The following ZDHHC14 variants were observed in gnomAD, a reference collection of about 807,000 sequenced individuals.
ZDHHC14 encodes the protein palmitoyltransferase ZDHHC14.
Under a neutral mutation model 47.7 loss-of-function variants are expected in ZDHHC14, and 16 were observed. The observed-to-expected ratio is 0.34, with a 90% CI of 0.23 to 0.51. ZDHHC14 has a LOEUF of 0.51. Ranked by LOEUF, ZDHHC14 falls within the 20% of genes least tolerant of loss-of-function variation. ZDHHC14 has a pLI of 0.97. For missense variants in ZDHHC14, 515 were observed against 662.5 expected (o/e 0.78, Z 2.44); for synonymous variants, 293 against 278.9 (o/e 1.05, Z -0.50).
intron 1 of ZDHHC14, among the ~76,000 whole-genome samples, chr6:157,441,310 A>G (rs1200877254): frequency 6.6e-6 from 1 of 152,236 alleles, no homozygotes; most frequent in African/African-American, 2.4e-5. Context: ...TTCAGCTAGA[A>G]GTTGTTCCCA....
intron 1 of ZDHHC14, among the ~76,000 whole-genome samples, chr6:157,406,439 A>G (rs1001054144): frequency 2.0e-5 from 3 of 152,232 alleles, no homozygotes; most frequent in Non-Finnish European, 4.4e-5. Flanking sequence ...GATTGCAGAA[A>G]AATATTATCT....
intron 2 of ZDHHC14, among the ~76,000 whole-genome samples, chr6:157,573,187 C>T (rs965387335): frequency 2.6e-5 from 4 of 152,166 alleles, no homozygotes; most frequent in Non-Finnish European, 5.9e-5. Flanking sequence ...TTTCATCTTT[C>T]CCACCACTTA....
At chr6:157,406,500 G>C (rs992686860) in intron 1 of ZDHHC14, among the ~76,000 whole-genome samples, 1 of 152,220 alleles carries the variant, frequency 6.6e-6, no homozygotes. Flanking sequence ...AGTATTCCCA[G>C]CTTCAGAAGA....
chr6:157,432,379 C>G (rs989387350), intron 1 of ZDHHC14, among the ~76,000 whole-genome samples: 2 of 152,056 alleles, frequency 1.3e-5, no homozygotes, highest in African/African-American at 4.8e-5. Flanking sequence ...GCAGTGCAGT[C>G]GGAGGCTGTG....
intron 3 of ZDHHC14, among the ~76,000 whole-genome samples, chr6:157,619,628 GTTACT>G (rs754010328): frequency 2.6e-4 from 40 of 152,040 alleles, no homozygotes; most frequent in Non-Finnish European, 5.4e-4. Context: ...GCTGTCCAAG[GTTACT>G]TTACATTGTA....
intron 8 of ZDHHC14, among the ~76,000 whole-genome samples, chr6:157,654,241 C>G (rs555162845): frequency 6.6e-6 from 1 of 152,238 alleles, no homozygotes; most frequent in South Asian, 2.1e-4. Context: ...GTGCAGGTTT[C>G]CAGCGTGCAG....
In ZDHHC14 at chr6:157,582,866, A is replaced by G. The variant is rs1783563596; in HGVS notation, c.407-10122A>G. 6.6e-6 allele frequency among the ~76,000 whole-genome samples: 1 copy of G among 152,094 alleles called. No individual in the cohort carries two copies. Among genetic ancestry groups the G allele is most frequent in the South Asian group, 2.1e-4 (1 of 4,830 alleles). ...TTCCCTGTCTCTTTCAGGAACACCA[A>G]TGAGTCGCTGATTTGGTCTCTTTAC... On this transcript the variant is annotated intron_variant, in intron 2 of 8. Transcript: ENST00000359775. This position sits in a 1 kb window ranked among gnomAD's most constrained non-coding sequence, Gnocchi z 4.3.
rs146568563 is a variant in ZDHHC14 at position 157,411,073 on chromosome 6, G to A, written c.245+28807G>A. Among the ~76,000 whole-genome samples the A allele has an allele frequency of 4.6e-3, 702 of 152,334 alleles. 2 individuals carry two copies. Among genetic ancestry groups the A allele is most frequent in the Admixed American group, 0.011 (169 of 15,304 alleles). The stretch of plus-strand genomic sequence containing the variant: ...GCCAGTGGCTCAGAAGCTGCAGTGG[G>A]TAAGGATTCCTTGGGCAGCTTTTGA... On this transcript the variant is annotated intron_variant, in intron 1 of 8. Transcript: ENST00000359775.
intron 1 of ZDHHC14, among the ~76,000 whole-genome samples, chr6:157,486,880 G>T (rs1049701220): frequency 1.2e-4 from 19 of 152,224 alleles, no homozygotes; most frequent in African/African-American, 4.8e-5. Context: ...CTCATATGAG[G>T]TGAGGAGACG....
chr6:157,654,079 G>C (rs746590150), intron 8 of ZDHHC14, among the ~76,000 whole-genome samples: 7 of 152,260 alleles, frequency 4.6e-5, no homozygotes, highest in Non-Finnish European at 5.9e-5. Flanking sequence ...CCCAAAGTCT[G>C]GGATCAGCCC....
chr6:157,416,784 C>A (rs1463233334), intron 1 of ZDHHC14, among the ~76,000 whole-genome samples: 1 of 148,544 alleles, frequency 6.7e-6, no homozygotes, highest in East Asian at 2.0e-4. Flanking sequence ...TTGCCACTCC[C>A]GAGTTGTAGC....
intron 8 of ZDHHC14, among the ~76,000 whole-genome samples, chr6:157,667,295 G>A (rs1325335165): frequency 6.6e-6 from 1 of 152,160 alleles, no homozygotes; most frequent in Non-Finnish European, 1.5e-5. Context: ...CTTGGTGTTA[G>A]CCGGGATGTA....
intron 1 of ZDHHC14, among the ~76,000 whole-genome samples, chr6:157,453,634 C>G (rs941195288): frequency 1.3e-5 from 2 of 152,166 alleles, no homozygotes; most frequent in African/African-American, 4.8e-5. Context: ...GTCATTCATT[C>G]AGTAGGTATT....
At chr6:157,604,702 C>G (rs949347292) in intron 3 of ZDHHC14, among the ~76,000 whole-genome samples, 1 of 152,154 alleles carries the variant, frequency 6.6e-6, no homozygotes, top group African/African-American at 2.4e-5. Flanking sequence ...TGTCACCACA[C>G]CCGGCTAATT....
Position 157,523,669 on chromosome 6 carries a change from G to GCCC in ZDHHC14, c.246-18916_246-18915insCCC, listed in dbSNP as rs1781045264. 3.3e-5 allele frequency among the ~76,000 whole-genome samples: 5 copies of GCCC among 151,912 alleles called. No homozygotes were observed. The South Asian group carries it at 1.0e-3, about 32-fold the overall frequency. ...CCAACACTTTGGGTGGCTGAAGTGGGAGGATCACTGGAGCCCAGGAGTTCG... is the reference window on the plus strand; with the variant it reads ...CCAACACTTTGGGTGGCTGAAGTGGGCCCAGGATCACTGGAGCCCAGGAGTTCG... On this transcript the variant is annotated intron_variant, in intron 1 of 8. Coordinates refer to ENST00000359775, the MANE Select transcript of ZDHHC14 (RefSeq NM_024630.3).
At chr6:157,557,480 G>C (rs1307783209) in intron 2 of ZDHHC14, among the ~76,000 whole-genome samples, 2 of 152,178 alleles carry the variant, frequency 1.3e-5, no homozygotes, top group Non-Finnish European at 2.9e-5. Flanking sequence ...GACATGGACA[G>C]AAAGTGCACA....
Position 157,592,769 on chromosome 6 carries a change from A to G in ZDHHC14, c.407-219A>G, listed in dbSNP as rs1264893875. On this transcript the variant is annotated intron_variant, in intron 2 of 8. Coordinates refer to ENST00000359775, the MANE Select transcript of ZDHHC14 (RefSeq NM_024630.3). ...CCATGTGTGCTGTGCTCCATTGGCC[A>G]GAGCTCAGTCACGTGGCCCCTGCAC... 8 of 1,352,384 alleles carry G rather than the reference A, an allele frequency of 5.9e-6. No homozygotes were observed. In the South Asian group the frequency reaches 1.0e-4, roughly 17 times the overall value. The allele number at this position is 1,352,384 out of a possible 1,614,324, so 83.8% of individuals were successfully genotyped here.
At chr6:157,457,490 T>A (rs1778949942) in intron 1 of ZDHHC14, among the ~76,000 whole-genome samples, 1 of 152,246 alleles carries the variant, frequency 6.6e-6, no homozygotes, top group African/African-American at 2.4e-5. Context: ...GTACTGTTCT[T>A]ACTTTCTGCC....
chr6:157,552,261 A>T (rs1338032481), intron 2 of ZDHHC14, among the ~76,000 whole-genome samples: 1 of 152,052 alleles, frequency 6.6e-6, no homozygotes, highest in African/African-American at 2.4e-5. Flanking sequence ...CTTTTGAGTG[A>T]GTGAGGGAGT....
Sources: gnomAD v4.1 joint callset for allele counts (sites outside exome capture counted in the v4.1 genomes callset) on GRCh38, gnomAD v4.1.1 for gene constraint, Gnocchi (gnomAD v3.1) non-coding constraint, MANE v1.5 for transcripts, NCBI Gene and HGNC (gene_info 2026-07-23, HGNC 2026-07-21) for gene names.